Variants in PPP1R3A observed in about 807,000 individuals in gnomAD.
PPP1R3A encodes RG1.
Under a neutral mutation model 41.7 loss-of-function variants are expected in PPP1R3A, and 29 were observed. The observed-to-expected ratio is 0.70, with a 90% CI of 0.52 to 0.95. The LOEUF (loss-of-function observed/expected upper bound fraction) is 0.95, where lower values mean the gene tolerates loss of function less well. Ranked by LOEUF, PPP1R3A falls within the 40% of genes least tolerant of loss-of-function variation. PPP1R3A has a pLI of 0.00. For missense variants in PPP1R3A, 1,352 were observed against 1,292.4 expected, an observed-to-expected ratio of 1.05 and a Z score of -0.71; for synonymous variants, 485 against 453.4, an observed-to-expected ratio of 1.07 and a Z score of -0.89.
chr7:113,896,842 TAGAC>T (rs1439607430), intron 1 of PPP1R3A, among the ~76,000 whole-genome samples: 1 of 150,682 alleles, frequency 6.6e-6, no homozygotes, highest in Non-Finnish European at 1.5e-5. Context: ...AAAAAATGAA[TAGAC>T]ACATTCCCTT....
Position 113,878,881 on chromosome 7 carries a change from T to C in PPP1R3A, c.2211A>G (p.Ser737=), listed in dbSNP as rs771562192. The change falls in exon 4 of 4, where the codon TCA becomes TCG. Residue 737 remains serine, a synonymous_variant. Transcript: ENST00000284601. The part of the protein sequence containing the change: ...AGTAYIIKTT[S]ESTPESMSAR... ...CAGACATGCTTTCTGGAGTACTTTCTGATGTTGTCTTAATTATATAGGCTG... is the reference window on the plus strand; with the variant it reads ...CAGACATGCTTTCTGGAGTACTTTCCGATGTTGTCTTAATTATATAGGCTG... 4 of 1,612,992 alleles carry C rather than the reference T, an allele frequency of 2.5e-6. No individual in the cohort carries two copies. In the South Asian group the frequency reaches 4.4e-5, roughly 18 times the overall value.
At chr7:113,899,584 A>C (rs1430108777) in intron 1 of PPP1R3A, among the ~76,000 whole-genome samples, 1 of 151,892 alleles carries the variant, frequency 6.6e-6, no homozygotes, top group Non-Finnish European at 1.5e-5. Flanking sequence ...GTGACTAGTT[A>C]CAAGATTTTC....
chr7:113,912,162 C>T (rs144299543), intron 1 of PPP1R3A, among the ~76,000 whole-genome samples: 1 of 152,224 alleles, frequency 6.6e-6, no homozygotes, highest in East Asian at 1.9e-4. Flanking sequence ...TACACATGTA[C>T]TTCAGACCCC....
chr7:113,900,401 T>C (rs1797043115), intron 1 of PPP1R3A, among the ~76,000 whole-genome samples: 1 of 151,696 alleles, frequency 6.6e-6, no homozygotes, highest in South Asian at 2.1e-4. Context: ...GAGTTTATTA[T>C]GTGTAAGAGA....
chr7:113,878,430 A>G lies in PPP1R3A; in HGVS notation c.2662T>C (p.Leu888=). Residue 888 remains leucine, a synonymous_variant, in exon 4 of 4, where the codon TTA becomes CTA. Coordinates refer to ENST00000284601, the MANE Select transcript of PPP1R3A (RefSeq NM_002711.4). ...ENRDLRQVQE[L]SKKTDSDAIV... is the part of the protein sequence containing the mutation. Reference sequence around the variant, plus strand: ...GCATCCGAGTCTGTTTTCTTTGATAATTCTTGAACCTGCCTAAGATCTCTG... The same window carrying G: ...GCATCCGAGTCTGTTTTCTTTGATAGTTCTTGAACCTGCCTAAGATCTCTG... 6.2e-7 allele frequency: 1 copy of G among 1,612,086 alleles called. No homozygotes were observed. Among genetic ancestry groups the G allele is most frequent in the Non-Finnish European group, 8.5e-7 (1 of 1,179,686 alleles).
chr7:113,899,835 T>C (rs1797034447), intron 1 of PPP1R3A, among the ~76,000 whole-genome samples: 1 of 151,814 alleles, frequency 6.6e-6, no homozygotes, highest in Non-Finnish European at 1.5e-5. Flanking sequence ...CTATTCTACA[T>C]TGGCTTTTAC....
intron 1 of PPP1R3A, among the ~76,000 whole-genome samples, chr7:113,908,068 T>C (rs1372612056): frequency 6.6e-6 from 1 of 151,752 alleles, no homozygotes; most frequent in Non-Finnish European, 1.5e-5. Context: ...GCAAGTTCCA[T>C]AATATGGATA....
chr7:113,916,186 G>C (rs138064405), intron 1 of PPP1R3A, among the ~76,000 whole-genome samples: 1 of 152,016 alleles, frequency 6.6e-6, no homozygotes, highest in Non-Finnish European at 1.5e-5. Context: ...TGCAGAAAAT[G>C]TATTTGTGGT....
intron 1 of PPP1R3A, among the ~76,000 whole-genome samples, chr7:113,917,968 AATAT>A (rs1346633192): frequency 6.6e-6 from 1 of 152,136 alleles, no homozygotes; most frequent in Admixed American, 6.6e-5. Flanking sequence ...TTAGGCAAGT[AATAT>A]ACACAGTGCA....
At chr7:113,903,149 T>C (rs984690754) in intron 1 of PPP1R3A, among the ~76,000 whole-genome samples, 6 of 151,744 alleles carry the variant, frequency 4.0e-5, no homozygotes, top group Non-Finnish European at 8.8e-5. Context: ...AGGATAAAGA[T>C]TGAGGTGCCT....
chr7:113,899,248 A>C (rs2129118019), intron 1 of PPP1R3A, among the ~76,000 whole-genome samples: 1 of 151,856 alleles, frequency 6.6e-6, no homozygotes, highest in Admixed American at 6.6e-5. Context: ...GTAGTGTATT[A>C]TTGATTAAAA....
intron 1 of PPP1R3A, among the ~76,000 whole-genome samples, chr7:113,887,273 T>G (rs951593777): frequency 6.6e-6 from 1 of 151,950 alleles, no homozygotes; most frequent in East Asian, 1.9e-4. Context: ...AATTAAAAAG[T>G]AAAAAAGAAA....
intron 1 of PPP1R3A, among the ~76,000 whole-genome samples, chr7:113,890,860 T>A (rs1463173269): frequency 6.6e-6 from 1 of 151,938 alleles, no homozygotes; most frequent in African/African-American, 2.4e-5. Flanking sequence ...ACAGAAAGAT[T>A]TATTTTACTT....
At chr7:113,916,132 A>G (rs1448958085) in intron 1 of PPP1R3A, among the ~76,000 whole-genome samples, 1 of 152,020 alleles carries the variant, frequency 6.6e-6, no homozygotes, top group Non-Finnish European at 1.5e-5. Context: ...TGCTTTTTTC[A>G]AAATGTGGTT....
rs754337493 is a variant in PPP1R3A at position 113,877,896 on chromosome 7, A to T, written c.3196T>A (p.Ser1066Thr). The change falls in exon 4 of 4, where the codon TCT becomes ACT. Residue 1066 changes from serine (S) to threonine (T), a missense_variant. Ser to Thr is a moderately conservative substitution (Grantham distance 58, BLOSUM62 1). Coordinates refer to ENST00000284601, the MANE Select transcript of PPP1R3A (RefSeq NM_002711.4). ...GAGTTGGTATATTTTGAAAACAAAG[A>T]TTCGTTGCCTTGAGCTTGACTTTCC... is the stretch of plus-strand genomic sequence containing the variant. ...VEESQAQGNE[S>T]LFSKYTNSKI... is the part of the protein sequence containing the mutation. 6.2e-7 allele frequency: 1 copy of T among 1,612,828 alleles called. No homozygotes were observed. The highest frequency in any genetic ancestry group is 2.2e-5 in the East Asian group (1 of 44,824).
intron 1 of PPP1R3A, among the ~76,000 whole-genome samples, chr7:113,893,067 C>T (rs1031621374): frequency 4.0e-5 from 6 of 151,872 alleles, no homozygotes; most frequent in African/African-American, 1.5e-4. Flanking sequence ...TTCCTTGCTG[C>T]GGTCATATTG....
In PPP1R3A at chr7:113,879,228, T is replaced by C. The variant is rs1241533646; in HGVS notation, c.1864A>G (p.Thr622Ala). Reference sequence around the variant, plus strand: ...TAATCATTCCTCAAAACATTTCCAGTTCTTGATGAACAAACTTGACCAGTT... The same window carrying C: ...TAATCATTCCTCAAAACATTTCCAGCTCTTGATGAACAAACTTGACCAGTT... ...GITGQVCSSR[T>A]GNVLRNDYLF... The change falls in exon 4 of 4, where the codon ACT (threonine) becomes GCT (alanine). Residue 622 changes from threonine to alanine, a missense_variant. Thr to Ala is a moderately conservative substitution (Grantham distance 58). Coordinates refer to ENST00000284601, the MANE Select transcript of PPP1R3A (RefSeq NM_002711.4). 6.2e-7 allele frequency: 1 copy of C among 1,613,662 alleles called. No homozygotes were observed. Among genetic ancestry groups the C allele is most frequent in the Non-Finnish European group, 8.5e-7 (1 of 1,179,746 alleles).
intron 1 of PPP1R3A, among the ~76,000 whole-genome samples, chr7:113,916,561 A>ATTTT (rs1386657013): frequency 6.6e-6 from 1 of 152,020 alleles, no homozygotes; most frequent in Non-Finnish European, 1.5e-5. Flanking sequence ...AAACTGCATT[A>ATTTT]AATTGCAGAA....
At chr7:113,888,104 G>C (rs1796817508) in intron 1 of PPP1R3A, among the ~76,000 whole-genome samples, 1 of 152,100 alleles carries the variant, frequency 6.6e-6, no homozygotes, top group Admixed American at 6.6e-5. Context: ...GACTCTGTTT[G>C]GGGAAAGAAT....
Sources: allele counts gnomAD v4.1 joint callset (sites outside exome capture counted in the v4.1 genomes callset), GRCh38; gene constraint gnomAD v4.1.1; transcripts MANE v1.5; gene names NCBI Gene and HGNC (gene_info 2026-07-23, HGNC 2026-07-21).